Variants in ABHD12 observed in about 807,000 individuals in gnomAD.
The protein encoded by ABHD12 is abhydrolase domain containing 12, lysophospholipase.
ABHD12 carries 43 observed loss-of-function variants against 58.3 expected under a neutral mutation model. The observed-to-expected ratio is 0.74, with a 90% CI of 0.58 to 0.95. ABHD12 has a LOEUF of 0.95. ABHD12 is among the 40% of genes least tolerant of loss of function. The probability of loss-of-function intolerance (pLI) is 0.00; values close to 1 mark genes in which losing one functional copy is unlikely to be tolerated. For synonymous variants in ABHD12, 219 were observed against 211.2 expected, an observed-to-expected ratio of 1.04 and a Z score of -0.32; for missense variants, 539 against 537.2, an observed-to-expected ratio of 1.00 and a Z score of -0.03.
At chr20:25,322,381 A>ATATATATATATATATATATATATTTT in intron 3 of ABHD12, among the ~76,000 whole-genome samples, 2 of 59,278 alleles carry the variant, frequency 3.4e-5, no homozygotes, top group African/African-American at 1.7e-4. Flanking sequence ...ATATATATAT[A>ATATATATATATATATATATATATTTT]TTTTTTTTTT....
At chr20:25,318,471 T>G (rs1211315873) in intron 4 of ABHD12, among the ~76,000 whole-genome samples, 1 of 151,952 alleles carries the variant, frequency 6.6e-6, no homozygotes. Context: ...ATCCAGGGGG[T>G]CTGGACCTCA....
At chr20:25,384,525 A>T (rs1352239755) in intron 1 of ABHD12, among the ~76,000 whole-genome samples, 1 of 151,984 alleles carries the variant, frequency 6.6e-6, no homozygotes. Context: ...CGGGTGGATC[A>T]CTTGAGCTCA....
At position 25,314,875 on chromosome 20, in the gene ABHD12, C is replaced by T. The variant is rs1298822642; in HGVS notation, c.619+50G>A. 13 of 1,606,398 alleles carry T rather than the reference C, an allele frequency of 8.1e-6. No homozygotes were observed. In the East Asian group the frequency reaches 1.1e-4, roughly 14 times the overall value. On this transcript the variant is annotated intron_variant, in intron 6 of 12. Coordinates refer to ENST00000339157, the MANE Select transcript of ABHD12 (RefSeq NM_001042472.3). ...AGTGAGGCCTGCCCATGGGATACCG[C>T]CAGCAAGCAGTGGAATTGTGCTCAG... is the stretch of plus-strand genomic sequence containing the variant.
chr20:25,301,061 C>A (rs2088627405), intron 12 of ABHD12, among the ~76,000 whole-genome samples, 177 bp from the exon 13 acceptor site: 1 of 152,224 alleles, frequency 6.6e-6, no homozygotes. Flanking sequence ...AGGGAACAAG[C>A]AGTGTGGTGC....
intron 1 of ABHD12, among the ~76,000 whole-genome samples, chr20:25,382,533 GGAGA>G (rs1238247044): frequency 6.6e-6 from 1 of 152,184 alleles, no homozygotes; most frequent in African/African-American, 2.4e-5. Flanking sequence ...TAATGGAAGA[GGAGA>G]GAAAGGAGGG....
At chr20:25,327,359 C>T (rs1056929117) in intron 2 of ABHD12, among the ~76,000 whole-genome samples, 2 of 151,474 alleles carry the variant, frequency 1.3e-5, no homozygotes, top group African/African-American at 4.9e-5. Context: ...CCCAGCTACT[C>T]GGGAGCCTGA....
rs1322358938 is a variant in ABHD12 at position 25,300,277 on chromosome 20, A to G, written c.*568T>C. 3 of 1,022,240 alleles carry G rather than the reference A, an allele frequency of 2.9e-6. No individual in the cohort carries two copies. The highest frequency in any genetic ancestry group is 3.5e-6 in the Non-Finnish European group (3 of 851,466). The allele number at this position is 1,022,240 out of a possible 1,614,324, so 63.3% of individuals were successfully genotyped here. A position where few individuals can be genotyped will look rare whatever the true frequency, so the allele number is the denominator to read the frequency against. On this transcript the variant is annotated 3_prime_UTR_variant, in exon 13 of 13. Transcript: ENST00000339157. Reference sequence around the variant, plus strand: ...CTAAGGCCAGGTTAGGTGTACAGGTAGGTGAAAGGGGAGGAAGTGCAGATC... The same window carrying G: ...CTAAGGCCAGGTTAGGTGTACAGGTGGGTGAAAGGGGAGGAAGTGCAGATC...
chr20:25,369,839 G>A (rs986539391), intron 1 of ABHD12, among the ~76,000 whole-genome samples: 1 of 151,806 alleles, frequency 6.6e-6, no homozygotes, highest in Non-Finnish European at 1.5e-5. Context: ...AGCACTCTGT[G>A]GGGGCTGAGG....
intron 1 of ABHD12, among the ~76,000 whole-genome samples, chr20:25,359,423 C>CAAAAAAAAAA (rs565367954): frequency 7.9e-5 from 5 of 63,116 alleles, no homozygotes; most frequent in African/African-American, 2.1e-4. Context: ...GACTCCGTCT[C>CAAAAAAAAAA]AAAAAAAAAA....
At position 25,339,271 on chromosome 20, in the gene ABHD12, T is replaced by C. The variant is rs772038529; in HGVS notation, c.272A>G (p.Lys91Arg). ...GLYIAIPFLI[K>R]LCPGIQAKLI... The stretch of plus-strand genomic sequence containing the variant: ...TTTGGCCTGTATTCCAGGACATAGT[T>C]TGATGAGAAATGGAATGGCAATGTA... Residue 91 changes from lysine (K) to arginine (R), a missense_variant, in exon 2 of 13, where the codon AAA becomes AGA. Physicochemically the swap from Lys to Arg is conservative, Grantham distance 26. Coordinates refer to ENST00000339157, the MANE Select transcript of ABHD12 (RefSeq NM_001042472.3). 4 of 1,614,104 alleles carry C rather than the reference T, an allele frequency of 2.5e-6. No individual in the cohort carries two copies. Among genetic ancestry groups the C allele is most frequent in the South Asian group, 1.1e-5 (1 of 91,066 alleles).
intron 3 of ABHD12, among the ~76,000 whole-genome samples, chr20:25,322,429 G>A (rs931812008): frequency 7.7e-6 from 1 of 129,072 alleles, no homozygotes; most frequent in African/African-American, 2.9e-5. Flanking sequence ...GCCCAGGCTG[G>A]AGTGCAGTGG....
intron 10 of ABHD12, among the ~76,000 whole-genome samples, chr20:25,305,156 TG>T: frequency 6.6e-6 from 1 of 151,820 alleles, no homozygotes. Context: ...CGTGAGCCAC[TG>T]CACCCAGCCC....
chr20:25,329,145 T>TG (rs2089225259), intron 2 of ABHD12, among the ~76,000 whole-genome samples: 1 of 152,196 alleles, frequency 6.6e-6, no homozygotes, highest in African/African-American at 2.4e-5. Context: ...GTGGCCCCCG[T>TG]GACTCCAGCA....
At chr20:25,390,414 C>A in intron 1 of ABHD12, 99 bp downstream of exon 1, 2 of 1,204,800 alleles carry the variant, frequency 1.7e-6, no homozygotes, top group Non-Finnish European at 2.1e-6. Flanking sequence ...GACGGCCACT[C>A]TGGGAGGGGC....
chr20:25,296,196 G>C (rs895778891), downstream of ABHD12, among the ~76,000 whole-genome samples: 1 of 152,136 alleles, frequency 6.6e-6, no homozygotes, highest in African/African-American at 2.4e-5. Flanking sequence ...TAGCTTTCCT[G>C]GTCCGTGGGG....
intron 1 of ABHD12, among the ~76,000 whole-genome samples, chr20:25,385,168 T>A (rs1204430276): frequency 9.2e-5 from 14 of 151,698 alleles, no homozygotes; most frequent in Non-Finnish European, 2.9e-5. Context: ...AGAAACCCTG[T>A]CTCTACTAAA....
intron 1 of ABHD12, among the ~76,000 whole-genome samples, chr20:25,376,085 G>A (rs941927537): frequency 6.6e-6 from 1 of 152,098 alleles, no homozygotes; most frequent in Non-Finnish European, 1.5e-5. Flanking sequence ...TCGCACCACT[G>A]CACTCCAGCC....
rs2146035432 is a variant in ABHD12, at chr20:25,339,276, G to A, written c.267C>T (p.Leu89=). 1.2e-6 allele frequency: 2 copies of A among 1,614,126 alleles called. No individual in the cohort carries two copies. Among genetic ancestry groups the A allele is most frequent in the Non-Finnish European group, 1.7e-6 (2 of 1,180,006 alleles). The change falls in exon 2 of 13, where the codon CTC becomes CTT. Residue 89 remains leucine (L), a synonymous_variant. Transcript: ENST00000339157. The part of the protein sequence containing the change: ...VLGLYIAIPF[L]IKLCPGIQAK... ...CCTGTATTCCAGGACATAGTTTGAT[G>A]AGAAATGGAATGGCAATGTACAACC...
At chr20:25,322,181 C>A (rs1028281051) in intron 3 of ABHD12, among the ~76,000 whole-genome samples, 3 of 151,612 alleles carry the variant, frequency 2.0e-5, no homozygotes, top group South Asian at 4.2e-4. Flanking sequence ...CAGAAGAAAA[C>A]ATTAAAATGT....
Sources: allele counts gnomAD v4.1 joint callset (sites outside exome capture counted in the v4.1 genomes callset), GRCh38; gene constraint gnomAD v4.1.1; transcripts MANE v1.5; gene names NCBI Gene and HGNC (gene_info 2026-07-23, HGNC 2026-07-21).